Variants in PSME4 observed in about 807,000 individuals in gnomAD.
The protein encoded by PSME4 is proteasome activator subunit 4.
In PSME4, 89 loss-of-function variants were observed where a neutral mutation model predicts 253.9. The observed-to-expected ratio is 0.35, with a 90% CI of 0.30 to 0.42. The LOEUF (loss-of-function observed/expected upper bound fraction) is 0.42, where lower values mean the gene tolerates loss of function less well. Ranked by LOEUF, PSME4 falls within the 10% of genes least tolerant of loss-of-function variation. The probability of loss-of-function intolerance (pLI) is 1.00; values close to 1 mark genes in which losing one functional copy is unlikely to be tolerated. For missense variants in PSME4, 2,014 were observed against 2,195.2 expected (o/e 0.92, Z 1.65); for synonymous variants, 851 against 759.2 (o/e 1.12, Z -1.99).
chr2:53,948,567 G>T, intron 2 of PSME4, 30 bp from the exon 3 acceptor site: 1 of 1,281,422 alleles, frequency 7.8e-7, no homozygotes, highest in Non-Finnish European at 1.1e-6. Flanking sequence ...AAATACCTAT[G>T]TATGCATATG....
chr2:53,956,474 G>A (rs975063556), intron 1 of PSME4, among the ~76,000 whole-genome samples: 7 of 151,852 alleles, frequency 4.6e-5, no homozygotes, highest in Non-Finnish European at 1.0e-4. Flanking sequence ...AGGTTGTAGT[G>A]AGCCGAGATC....
At chr2:53,939,624 T>C (rs1359154226) in intron 4 of PSME4, among the ~76,000 whole-genome samples, 1 of 152,066 alleles carries the variant, frequency 6.6e-6, no homozygotes, top group African/African-American at 2.4e-5. Context: ...CAGAACATAG[T>C]TGAAAAAAGT....
At chr2:53,932,805 G>A (rs1355071202) in intron 8 of PSME4, 45 bp from the exon 9 acceptor site, 2 of 1,481,756 alleles carry the variant, frequency 1.3e-6, no homozygotes, top group Non-Finnish European at 1.9e-6. Flanking sequence ...ACATCATACT[G>A]TAAAAACAGA....
chr2:53,944,861 C>T (rs968535170), intron 3 of PSME4, among the ~76,000 whole-genome samples: 16 of 151,958 alleles, frequency 1.1e-4, no homozygotes, highest in African/African-American at 3.9e-4. Context: ...ATGCCATAAA[C>T]AAATACCAGA....
intron 3 of PSME4, chr2:53,942,321 C>A (rs1475857710): frequency 1.3e-5 from 2 of 152,162 alleles, no homozygotes; most frequent in Admixed American, 1.3e-4. Flanking sequence ...TACTTTCCAA[C>A]TGTTGGAAAT....
chr2:53,897,190 CAG>C (rs1303130630), intron 31 of PSME4, among the ~76,000 whole-genome samples: 1 of 95,170 alleles, frequency 1.1e-5, no homozygotes, highest in Non-Finnish European at 2.1e-5. Flanking sequence ...TTTTTTTTGA[CAG>C]AGTTTTCACT....
At chr2:53,926,402 T>TG (rs58221814) in intron 12 of PSME4, among the ~76,000 whole-genome samples, 19,769 of 152,150 alleles carry the variant, frequency 0.13, 2,270 homozygotes, top group African/African-American at 0.31. Context: ...AGCCAGACAC[T>TG]GTGGCTCATG....
At chr2:53,960,317 T>C (rs919779567) in intron 1 of PSME4, among the ~76,000 whole-genome samples, 3 of 150,724 alleles carry the variant, frequency 2.0e-5, no homozygotes, top group Non-Finnish European at 2.9e-5. Flanking sequence ...GAGGATCACT[T>C]GAACCTGGGA....
At chr2:53,914,022 G>T (rs1667949076) in intron 20 of PSME4, among the ~76,000 whole-genome samples, 1 of 152,138 alleles carries the variant, frequency 6.6e-6, no homozygotes, top group Non-Finnish European at 1.5e-5. Context: ...CTCACTATTA[G>T]ACCTTAAGTA....
intron 20 of PSME4, among the ~76,000 whole-genome samples, chr2:53,916,854 T>A (rs1668083938): frequency 6.6e-6 from 1 of 152,102 alleles, no homozygotes; most frequent in Non-Finnish European, 1.5e-5. Flanking sequence ...TACAATTCTA[T>A]TAAGAACTTG....
chr2:53,947,546 A>G (rs1247346902), intron 3 of PSME4, among the ~76,000 whole-genome samples: 1 of 152,020 alleles, frequency 6.6e-6, no homozygotes, highest in Non-Finnish European at 1.5e-5. Context: ...TCTACTAAAA[A>G]CACAAAAAAA....
chr2:53,892,418 A>G (rs1679952234), intron 36 of PSME4, among the ~76,000 whole-genome samples: 2 of 152,224 alleles, frequency 1.3e-5, no homozygotes, highest in African/African-American at 4.8e-5. Context: ...AATGATAAGG[A>G]GGCTAAGAGA....
In PSME4 at chr2:53,887,445, T is replaced by A; in HGVS notation, c.4543A>T (p.Ile1515Leu). 6.2e-7 allele frequency: 1 copy of A among 1,613,428 alleles called. No individual in the cohort carries two copies. The highest frequency in any genetic ancestry group is 2.2e-5 in the East Asian group (1 of 44,870). Reference protein sequence around the residue: ...IGSVLTYIFMIDVSLPNTTPT... With the variant: ...IGSVLTYIFMLDVSLPNTTPT... ...GTGGTATTTGGCAAAGATACATCTA[T>A]CATGAATATGTAGGTCAGCACACTG... The change falls in exon 40 of 47, where the codon ATA (isoleucine) becomes TTA (leucine). Residue 1515 changes from isoleucine to leucine, a missense_variant. Ile to Leu is a conservative substitution (Grantham distance 5). Around this residue, in one of 4 missense-constraint regions of PSME4, gnomAD observed 403 missense variants for 556.1 expected, o/e 0.72. Transcript: ENST00000404125.
At position 53,893,708 on chromosome 2, in the gene PSME4, T is replaced by C. The variant is rs1029016049; in HGVS notation, c.4004A>G (p.Asp1335Gly). The change falls in exon 35 of 47, where the codon GAT becomes GGT. Residue 1335 changes from aspartate to glycine, a missense_variant. Around this residue, in one of 4 missense-constraint regions of PSME4, gnomAD observed 989 missense variants for 1,021.1 expected, o/e 0.97. Coordinates refer to ENST00000404125, the MANE Select transcript of PSME4 (RefSeq NM_014614.3). ...FLSLEDRKGK[D>G]KFNPRRFCLF... is the part of the protein sequence containing the mutation. ...GCAAAAACGTCGTGGATTAAACTTA[T>C]CTTTTCCTTTTCTGTCTTCTAATGA... 8.7e-6 allele frequency: 14 copies of C among 1,610,600 alleles called. No homozygotes were observed. In the Admixed American group the frequency reaches 1.8e-4, roughly 21 times the overall value.
In PSME4 at chr2:53,935,994, A is replaced by G. The variant is rs998462466; in HGVS notation, c.834+93T>C. On this transcript the variant is annotated intron_variant, in intron 7 of 46. Coordinates refer to ENST00000404125, the MANE Select transcript of PSME4 (RefSeq NM_014614.3). ...CTGCAACCTCAGCCTCCTGGGTTCA[A>G]GAGATTCTCCTGCCTCAGCCACCCG... 9 of 1,489,968 alleles carry G rather than the reference A, an allele frequency of 6.0e-6. No individual in the cohort carries two copies. In the African/African-American group the frequency reaches 1.1e-4, roughly 19 times the overall value. 92.3% of individuals were successfully genotyped at this position (1,489,968 alleles called of 1,614,324 possible). A position where few individuals can be genotyped will look rare whatever the true frequency, so the allele number is the denominator to read the frequency against.
Position 53,925,540 on chromosome 2 carries a change from A to G in PSME4, c.1808T>C (p.Met603Thr). The G allele has an allele frequency of 1.3e-6, 2 of 1,544,850 alleles. No homozygotes were observed. Among genetic ancestry groups the G allele is most frequent in the Non-Finnish European group, 1.8e-6 (2 of 1,135,236 alleles). ...ILTQCSKEIF[M>T]VALQKVFNFS... ...TATTTTTTGCAGCAATGTTCTTACC[A>G]TAAATATTTCTTTGGAACATTGGGT... The change falls in exon 14 of 47, where the codon ATG becomes ACG. Residue 603 changes from methionine (M) to threonine (T), a missense_variant and splice_region_variant. Around this residue, in one of 4 missense-constraint regions of PSME4, gnomAD observed 989 missense variants for 1,021.1 expected, o/e 0.97. Transcript: ENST00000404125.
rs76623912 is a variant in PSME4, at chr2:53,960,507, C to T, written c.242+10036G>A. Among the ~76,000 whole-genome samples, 1,054 of 151,812 alleles carry T rather than the reference C, an allele frequency of 6.9e-3. 11 individuals carry two copies. The highest frequency in any genetic ancestry group is 0.023 in the African/African-American group (971 of 41,448). On this transcript the variant is annotated intron_variant, in intron 1 of 46. Coordinates refer to ENST00000404125, the MANE Select transcript of PSME4 (RefSeq NM_014614.3). ...TAACAGAATAAAATGTTGTAAGTTT[C>T]TATTCTAGTTTGCTTTGCAACTAAC...
chr2:53,946,745 C>T (rs931422872), intron 3 of PSME4, among the ~76,000 whole-genome samples: 2 of 151,984 alleles, frequency 1.3e-5, no homozygotes, highest in South Asian at 2.1e-4. Context: ...CCTGTCTCTA[C>T]AAATAAAAAA....
Position 53,934,668 on chromosome 2 carries a change from G to A in PSME4, c.894C>T (p.Val298=), listed in dbSNP as rs200867986. 33 of 1,610,010 alleles carry A rather than the reference G, an allele frequency of 2.0e-5. No individual in the cohort carries two copies. The Admixed American group carries it at 2.8e-4, about 14-fold the overall frequency. The change falls in exon 8 of 47, where the codon GTC becomes GTT. Residue 298 remains valine, a synonymous_variant. Coordinates refer to ENST00000404125, the MANE Select transcript of PSME4 (RefSeq NM_014614.3). ...CATAAGCATTTGTTAAAAATCTTGG[G>A]ACTAACACTTGACTGCTTCCCACTG... ...NLPVGSSQVL[V]PRFLTNAYDI...
Sources: gnomAD v4.1 joint callset for allele counts (sites outside exome capture counted in the v4.1 genomes callset) on GRCh38, gnomAD v4.1.1 for gene constraint, gnomAD v4.1.1 regional missense constraint, MANE v1.5 for transcripts, NCBI Gene and HGNC (gene_info 2026-07-23, HGNC 2026-07-21) for gene names.